The following ASH1L variants were observed in gnomAD, a reference collection of about 807,000 sequenced individuals.
The protein encoded by ASH1L is histone-lysine N-methyltransferase ASH1L.
In ASH1L, 23 loss-of-function variants were observed where a neutral mutation model predicts 269.0. The observed-to-expected ratio is 0.09, with a 90% confidence interval of 0.06 to 0.12. The LOEUF (loss-of-function observed/expected upper bound fraction) is 0.12. Among genes scored for constraint, ASH1L ranks in the 10% least tolerant of loss-of-function variants. The probability of loss-of-function intolerance (pLI) is 1.00; values close to 1 mark genes in which losing one functional copy is unlikely to be tolerated. For missense variants in ASH1L, 2,912 were observed against 3,567.8 expected (o/e 0.82, Z 4.68); for synonymous variants, 1,187 against 1,253.5 (o/e 0.95, Z 1.12).
chr1:155,443,250 C>T (rs1303760296), intron 4 of ASH1L, among the ~76,000 whole-genome samples: 1 of 152,152 alleles, frequency 6.6e-6, no homozygotes, highest in Admixed American at 6.6e-5. Flanking sequence ...AAAGAGAATC[C>T]TAAAATGGGT....
At chr1:155,354,732 G>T in intron 15 of ASH1L, 102 bp from the exon 16 acceptor site, 1 of 1,151,734 alleles carries the variant, frequency 8.7e-7, no homozygotes, top group South Asian at 1.6e-5. Context: ...TACGTGAATT[G>T]AGCTGTTGTA....
At chr1:155,417,089 A>C (rs1335006177) in intron 5 of ASH1L, among the ~76,000 whole-genome samples, 9 of 151,052 alleles carry the variant, frequency 6.0e-5, no homozygotes, top group Non-Finnish European at 1.2e-4. Context: ...GTGCCACCAC[A>C]CCCAGCTTAT....
At chr1:155,551,393 G>A (rs1038418536) in intron 1 of ASH1L, among the ~76,000 whole-genome samples, 1 of 152,116 alleles carries the variant, frequency 6.6e-6, no homozygotes, top group Non-Finnish European at 1.5e-5. Flanking sequence ...GGGCGCAGTG[G>A]CTCACGCCTG....
chr1:155,345,536 G>A (rs990455161), intron 21 of ASH1L, among the ~76,000 whole-genome samples: 4 of 148,348 alleles, frequency 2.7e-5, no homozygotes, highest in Non-Finnish European at 5.9e-5. Flanking sequence ...GCCTCCCAAA[G>A]TGCTGGGATT....
intron 1 of ASH1L, among the ~76,000 whole-genome samples, chr1:155,551,023 T>C (rs1243026091): frequency 6.6e-6 from 1 of 152,094 alleles, no homozygotes; most frequent in Non-Finnish European, 1.5e-5. Context: ...GGTCTCACTA[T>C]GTTGCCCAGG....
At chr1:155,474,982 T>C (rs1355042062) in intron 3 of ASH1L, among the ~76,000 whole-genome samples, 2 of 152,214 alleles carry the variant, frequency 1.3e-5, no homozygotes, top group East Asian at 3.8e-4. Context: ...TTGTTCTTAA[T>C]ATAAAATCCA....
At chr1:155,392,626 C>A (rs1488931797) in intron 7 of ASH1L, among the ~76,000 whole-genome samples, 1 of 152,024 alleles carries the variant, frequency 6.6e-6, no homozygotes, top group Non-Finnish European at 1.5e-5. Context: ...GGAGCTGGGA[C>A]TACAGGCACA....
In ASH1L at chr1:155,336,121, CCT is replaced by C. The variant is rs1223879503; in HGVS notation, c.*1537_*1538del. 5 of 152,058 alleles carry C rather than the reference CCT, an allele frequency of 3.3e-5. No individual in the cohort carries two copies. Among genetic ancestry groups the C allele is most frequent in the African/African-American group, 7.3e-5 (3 of 41,170 alleles). 9.4% of individuals were successfully genotyped at this position (152,058 alleles called of 1,614,324 possible). A position where few individuals can be genotyped will look rare whatever the true frequency, so the allele number is the denominator to read the frequency against. On this transcript the variant is annotated 3_prime_UTR_variant, in exon 28 of 28. Transcript: ENST00000392403. ...CTGCTCAAGGGGATCATTGGCATCC[CCT>C]CTCTCTTTTGTTTTTTCCTCAAGAA... is the stretch of plus-strand genomic sequence containing the variant.
rs373758022 is a variant in ASH1L, at chr1:155,439,349, AAAATAAAAAAT to A, written c.5087-292_5087-282del. On this transcript the variant is annotated intron_variant, in intron 4 of 27. Coordinates refer to ENST00000392403, the MANE Select transcript of ASH1L (RefSeq NM_018489.3). ...TTTAATTCTTCAAAAATGAAGGTCAAAAATAAAAAATAAATAAAAAATAAATTAAGGTCCAG... is the reference window on the plus strand; with the variant it reads ...TTTAATTCTTCAAAAATGAAGGTCAAAAATAAAAAATAAATTAAGGTCCAG... Among the ~76,000 whole-genome samples the A allele has an allele frequency of 3.8e-3, 574 of 152,284 alleles. 5 individuals are homozygous for A. The highest frequency in any genetic ancestry group is 0.013 in the African/African-American group (544 of 41,564).
chr1:155,562,212 G>C lies in ASH1L; in HGVS notation c.-159C>G, dbSNP rs757325848. On this transcript the variant is annotated 5_prime_UTR_variant, in exon 1 of 28. Transcript: ENST00000392403. ...GAGAGTGCAGGGAAGTGGGGAAGAGGGGGTGGCCGCCAGGCTCCTCCGCTT... is the reference window on the plus strand; with the variant it reads ...GAGAGTGCAGGGAAGTGGGGAAGAGCGGGTGGCCGCCAGGCTCCTCCGCTT... 9 of 1,609,354 alleles carry C rather than the reference G, an allele frequency of 5.6e-6. No homozygotes were observed. The highest frequency in any genetic ancestry group is 6.8e-6 in the Non-Finnish European group (8 of 1,176,302).
chr1:155,507,195 G>A (rs546846483), intron 2 of ASH1L, among the ~76,000 whole-genome samples: 22 of 151,210 alleles, frequency 1.5e-4, no homozygotes, highest in African/African-American at 2.2e-4. Context: ...CAGGAGAATC[G>A]CTTGAACCCA....
rs1256127454 is a variant in ASH1L at position 155,344,254 on chromosome 1, C to T, written c.7910G>A (p.Arg2637Gln). The T allele has an allele frequency of 8.7e-6, 14 of 1,613,864 alleles. No individual in the cohort carries two copies. The highest frequency in any genetic ancestry group is 1.3e-5 in the African/African-American group (1 of 74,866). The change falls in exon 22 of 28, where the codon CGG (arginine) becomes CAG (glutamine). Residue 2637 changes from arginine (R) to glutamine (Q), a missense_variant. Arg to Gln is a conservative substitution (Grantham distance 43, BLOSUM62 1). Around this residue, in one of 13 missense-constraint regions of ASH1L, gnomAD observed 179 missense variants for 293.8 expected, o/e 0.61. Coordinates refer to ENST00000392403, the MANE Select transcript of ASH1L (RefSeq NM_018489.3). ...ACAGCCAGGTTGGGCATAGTGGGGC[C>T]GAGGGATCATGGGAACCTCCTGATA... ...PVDREVPMIP[R>Q]PHYAQPGCVY...
intron 4 of ASH1L, among the ~76,000 whole-genome samples, chr1:155,456,171 T>G (rs1386456258): frequency 1.3e-5 from 2 of 152,228 alleles, no homozygotes; most frequent in Non-Finnish European, 2.9e-5. Context: ...ACTTCAAAGT[T>G]CAGTCATACT....
In ASH1L at chr1:155,349,343, A is replaced by C; in HGVS notation, c.7538T>G (p.Val2513Gly). 6.2e-7 allele frequency: 1 copy of C among 1,613,178 alleles called. No homozygotes were observed. The highest frequency in any genetic ancestry group is 8.5e-7 in the Non-Finnish European group (1 of 1,179,410). The change falls in exon 19 of 28, where the codon GTC becomes GGC. Residue 2513 changes from valine to glycine, a missense_variant. Physicochemically the swap from Val to Gly is moderately radical, Grantham distance 109. Around this residue, in one of 13 missense-constraint regions of ASH1L, gnomAD observed 309 missense variants for 435.1 expected, o/e 0.71. Coordinates refer to ENST00000392403, the MANE Select transcript of ASH1L (RefSeq NM_018489.3). ...VEAFDADMLK[V>G]FRNAEKYYGR... ...GAAAAATACCTCAGCATTCCGAAAG[A>C]CTTTGAGCATGTCAGCATCAAAAGC... is the stretch of plus-strand genomic sequence containing the variant.
chr1:155,388,114 T>C (rs1029339996), intron 7 of ASH1L, among the ~76,000 whole-genome samples: 1 of 152,076 alleles, frequency 6.6e-6, no homozygotes, highest in Non-Finnish European at 1.5e-5. Flanking sequence ...AACGGAATCA[T>C]TCATACCATA....
At chr1:155,461,634 T>A (rs1236891077) in intron 3 of ASH1L, among the ~76,000 whole-genome samples, 1 of 152,088 alleles carries the variant, frequency 6.6e-6, no homozygotes, top group Non-Finnish European at 1.5e-5. Flanking sequence ...AGAGAAGACA[T>A]AACTTTAAGT....
intron 5 of ASH1L, among the ~76,000 whole-genome samples, chr1:155,416,894 CTCCT>C (rs1485225773): frequency 2.0e-5 from 3 of 148,364 alleles, no homozygotes; most frequent in Admixed American, 1.4e-4. Context: ...CCCACCTTCC[CTCCT>C]TCCTTCCTTT....
intron 2 of ASH1L, among the ~76,000 whole-genome samples, chr1:155,496,464 A>C (rs1667161478): frequency 6.6e-6 from 1 of 152,266 alleles, no homozygotes; most frequent in African/African-American, 2.4e-5. Flanking sequence ...CATGAAGTTT[A>C]ATATATATGT....
chr1:155,482,186 A>C lies in ASH1L; in HGVS notation c.684T>G (p.Pro228=), dbSNP rs748429156. The C allele has an allele frequency of 6.2e-7, 1 of 1,614,178 alleles. No individual in the cohort carries two copies. The highest frequency in any genetic ancestry group is 2.2e-5 in the East Asian group (1 of 44,884). The change falls in exon 3 of 28, where the codon CCT becomes CCG. Residue 228 remains proline, a synonymous_variant. Transcript: ENST00000392403. ...EKLAQLIATC[P]PSKSSKTKPK... ...GTTTTGTCTTGGAAGACTTGGAAGG[A>C]GGACAGGTAGCAATCAGCTGTGCCA...
Sources: gnomAD v4.1 joint callset for allele counts (sites outside exome capture counted in the v4.1 genomes callset) on GRCh38, gnomAD v4.1.1 for gene constraint, gnomAD v4.1.1 regional missense constraint, MANE v1.5 for transcripts, NCBI Gene and HGNC (gene_info 2026-07-23, HGNC 2026-07-21) for gene names.